FAT3: variants seen among roughly 807,000 people sequenced by gnomAD.
FAT3 encodes FAT atypical cadherin 3, also known as protocadherin Fat 3.
A neutral mutation model predicts 310.2 loss-of-function variants in FAT3; 95 were observed. That is an observed-to-expected ratio of 0.31 (90% CI 0.26 to 0.36). The LOEUF (loss-of-function observed/expected upper bound fraction) is 0.36. Among genes scored for constraint, FAT3 ranks in the 10% least tolerant of loss-of-function variants. FAT3 has a pLI of 1.00. For missense variants in FAT3, 5,408 were observed against 5,715.6 expected, an observed-to-expected ratio of 0.95 and a Z score of 1.74; for synonymous variants, 2,314 against 2,192.9, an observed-to-expected ratio of 1.06 and a Z score of -1.54.
intron 25 of FAT3, among the ~76,000 whole-genome samples, chr11:92,887,556 T>C (rs1445523032): frequency 6.6e-6 from 1 of 152,254 alleles, no homozygotes; most frequent in East Asian, 1.9e-4. Context: ...GGAATCTTCA[T>C]TCAATTGAAT....
At chr11:92,502,698 A>G (rs1952977808) in intron 2 of FAT3, among the ~76,000 whole-genome samples, 1 of 152,056 alleles carries the variant, frequency 6.6e-6, no homozygotes, top group African/African-American at 2.4e-5. Flanking sequence ...CTACTGCTGG[A>G]ATGGCAAGGC....
At chr11:92,856,193 A>G (rs994693810) in intron 19 of FAT3, among the ~76,000 whole-genome samples, 3 of 152,142 alleles carry the variant, frequency 2.0e-5, no homozygotes, top group African/African-American at 4.8e-5. Flanking sequence ...GAAAAGGAGC[A>G]TGATCATGGG....
chr11:92,658,983 C>T (rs1268096464), intron 3 of FAT3, among the ~76,000 whole-genome samples: 1 of 152,000 alleles, frequency 6.6e-6, no homozygotes, highest in African/African-American at 2.4e-5. Context: ...CATCATTTTC[C>T]TGGCCCCTTT....
chr11:92,871,633 T>C (rs1329984173), intron 22 of FAT3, among the ~76,000 whole-genome samples: 1 of 152,224 alleles, frequency 6.6e-6, no homozygotes, highest in Non-Finnish European at 1.5e-5. Context: ...TTGCCTCCAG[T>C]ATTTGCTGTC....
Position 92,729,574 on chromosome 11 carries a change from G to C in FAT3, c.3669+32129G>C, listed in dbSNP as rs552707291. Among the ~76,000 whole-genome samples the C allele has an allele frequency of 2.3e-4, 35 of 151,836 alleles. 1 individual carries two copies. In the South Asian group the frequency reaches 7.3e-3, roughly 32 times the overall value. On this transcript the variant is annotated intron_variant, in intron 4 of 27. Transcript: ENST00000525166. Reference sequence around the variant, plus strand: ...CCCAAGTAGCTGGGATTACAGGAGCGTGCCCCCGTGCCTGGCTAATTTTTT... The same window carrying C: ...CCCAAGTAGCTGGGATTACAGGAGCCTGCCCCCGTGCCTGGCTAATTTTTT...
chr11:92,379,895 T>G (rs2134756198), intron 2 of FAT3, among the ~76,000 whole-genome samples: 1 of 152,294 alleles, frequency 6.6e-6, no homozygotes, highest in South Asian at 2.1e-4. Flanking sequence ...GGCCATAGTC[T>G]GGAAGACTGA....
chr11:92,362,835 G>A (rs1231447316), intron 2 of FAT3, among the ~76,000 whole-genome samples: 2 of 152,034 alleles, frequency 1.3e-5, no homozygotes, highest in Non-Finnish European at 2.9e-5. Flanking sequence ...AATCTCTACT[G>A]CAGTTTCTGT....
intron 10 of FAT3, among the ~76,000 whole-genome samples, chr11:92,802,881 C>G (rs1947399583): frequency 6.6e-6 from 1 of 152,162 alleles, no homozygotes; most frequent in African/African-American, 2.4e-5. Flanking sequence ...GTTAATTAAT[C>G]ACTGCAGAAT....
At chr11:92,317,734 G>A (rs549360290) in intron 1 of FAT3, among the ~76,000 whole-genome samples, 1 of 152,304 alleles carries the variant, frequency 6.6e-6, no homozygotes, top group Non-Finnish European at 1.5e-5. Flanking sequence ...AGGAGACATA[G>A]GGGAAGGAAG....
intron 3 of FAT3, among the ~76,000 whole-genome samples, chr11:92,671,989 G>GGTGCCTGTAA (rs1353948324): frequency 6.6e-6 from 1 of 151,984 alleles, no homozygotes; most frequent in African/African-American, 2.4e-5. Context: ...CGTGGTGGTG[G>GGTGCCTGTAA]GTGCCTGTAA....
At chr11:92,368,600 T>C (rs1448776824) in intron 2 of FAT3, among the ~76,000 whole-genome samples, 1 of 152,052 alleles carries the variant, frequency 6.6e-6, no homozygotes, top group African/African-American at 2.4e-5. Context: ...GTCTAATCAT[T>C]TGGTAGTTTT....
intron 2 of FAT3, among the ~76,000 whole-genome samples, chr11:92,398,145 G>A (rs1311145339): frequency 6.6e-6 from 1 of 152,044 alleles, no homozygotes; most frequent in Non-Finnish European, 1.5e-5. Flanking sequence ...GCTTATGGAT[G>A]CATTACTTCA....
At chr11:92,394,807 A>C (rs2134830983) in intron 2 of FAT3, among the ~76,000 whole-genome samples, 1 of 152,324 alleles carries the variant, frequency 6.6e-6, no homozygotes, top group South Asian at 2.1e-4. Flanking sequence ...ATGCCATAGA[A>C]TATTCGTACT....
At chr11:92,308,222 GTTGT>G (rs1263154951) in intron 1 of FAT3, among the ~76,000 whole-genome samples, 2 of 152,142 alleles carry the variant, frequency 1.3e-5, no homozygotes, top group Non-Finnish European at 2.9e-5. Flanking sequence ...TCTTTCACAG[GTTGT>G]TTGATTATCT....
At chr11:92,385,784 T>A (rs908106412) in intron 2 of FAT3, among the ~76,000 whole-genome samples, 1 of 152,186 alleles carries the variant, frequency 6.6e-6, no homozygotes, top group Non-Finnish European at 1.5e-5. Context: ...TTACCTCTTA[T>A]AAATTATATT....
At chr11:92,272,893 G>A (rs1251750317) in intron 1 of FAT3, among the ~76,000 whole-genome samples, 2 of 152,136 alleles carry the variant, frequency 1.3e-5, no homozygotes, top group African/African-American at 2.4e-5. Flanking sequence ...CCAGCTGACA[G>A]ATGGAGCTCT....
chr11:92,268,335 G>T (rs1404248603), intron 1 of FAT3, among the ~76,000 whole-genome samples: 1 of 152,000 alleles, frequency 6.6e-6, no homozygotes, highest in Non-Finnish European at 1.5e-5. Context: ...AAGCCACTCA[G>T]CTCCTTAGTG....
intron 2 of FAT3, among the ~76,000 whole-genome samples, chr11:92,483,983 C>T (rs1952304977): frequency 6.6e-6 from 1 of 152,182 alleles, no homozygotes; most frequent in South Asian, 2.1e-4. Context: ...GGTACACTCA[C>T]ATGAGGGTGC....
intron 26 of FAT3, 48 bp downstream of exon 26, chr11:92,889,296 T>C (rs140188305): frequency 1.9e-5 from 13 of 678,594 alleles, no homozygotes; most frequent in African/African-American, 1.8e-4. Flanking sequence ...TTTGCTTCCT[T>C]GTTACTTTGG....
Sources: allele counts gnomAD v4.1 joint callset (sites outside exome capture counted in the v4.1 genomes callset), GRCh38; gene constraint gnomAD v4.1.1; transcripts MANE v1.5; gene names NCBI Gene and HGNC (gene_info 2026-07-23, HGNC 2026-07-21).